The following BDP1 variants were observed in gnomAD, a reference collection of about 807,000 sequenced individuals.
BDP1 encodes the protein transcription factor TFIIIB component B'' homolog.
In BDP1, 169 loss-of-function variants were observed where a neutral mutation model predicts 266.6. The observed-to-expected ratio is 0.63, with a 90% CI of 0.56 to 0.72. The LOEUF (loss-of-function observed/expected upper bound fraction) is 0.72, where lower values mean the gene tolerates loss of function less well. BDP1 is among the 30% of genes least tolerant of loss of function. The pLI is 0.00. For synonymous variants in BDP1, 1,090 were observed against 1,022.4 expected, an observed-to-expected ratio of 1.07 and a Z score of -1.26; for missense variants, 3,015 against 3,053.8, an observed-to-expected ratio of 0.99 and a Z score of 0.30.
intron 26 of BDP1, among the ~76,000 whole-genome samples, chr5:71,534,777 G>T (rs1378717941): frequency 2.0e-5 from 3 of 152,118 alleles, no homozygotes; most frequent in Non-Finnish European, 4.4e-5. Flanking sequence ...GAGTAGCTGG[G>T]ATTACAGGCA....
rs577955998 is a variant in BDP1, at chr5:71,471,150, T to G, written c.1014+661T>G. Among the ~76,000 whole-genome samples the G allele has an allele frequency of 1.9e-4, 28 of 145,330 alleles. No homozygotes were observed. In the East Asian group the frequency reaches 4.8e-3, roughly 25 times the overall value. On this transcript the variant is annotated intron_variant, in intron 7 of 38. Transcript: ENST00000358731. Reference sequence around the variant, plus strand: ...TGGTTAAGGGTAGCTTTTTTTTTTTTTTTTTTTTTTGAGATGGAGTCTCGC... The same window carrying G: ...TGGTTAAGGGTAGCTTTTTTTTTTTGTTTTTTTTTTGAGATGGAGTCTCGC...
chr5:71,456,748 A>G (rs1233335516), intron 1 of BDP1, among the ~76,000 whole-genome samples: 1 of 152,204 alleles, frequency 6.6e-6, no homozygotes, highest in Non-Finnish European at 1.5e-5. Flanking sequence ...CATATTAACT[A>G]CCTTGCAGGG....
rs192498833 is a variant in BDP1, at chr5:71,517,386, A to G, written c.4925A>G (p.Tyr1642Cys). Residue 1642 changes from tyrosine (Y) to cysteine (C), a missense_variant, in exon 22 of 39, where the codon TAT (tyrosine) becomes TGT (cysteine). Physicochemically the swap from Tyr to Cys is radical, Grantham distance 194. This residue lies in a region of BDP1 where 2,383 missense variants were observed against 2,404.9 expected (regional missense o/e 0.99). Transcript: ENST00000358731. ...TCCGCAGTTCCAGAACACAGAATGT[A>G]TGAAAATCAAAGTCAGGTGGTTCTT... ...PSSAVPEHRMYENQSQVVLVE... is the reference protein window; with the variant it reads ...PSSAVPEHRMCENQSQVVLVE... The G allele has an allele frequency of 2.5e-6, 4 of 1,605,636 alleles. No homozygotes were observed. In the Admixed American group the frequency reaches 7.0e-5, roughly 28 times the overall value.
chr5:71,480,987 T>A (rs938356875), intron 7 of BDP1, among the ~76,000 whole-genome samples: 2 of 152,060 alleles, frequency 1.3e-5, no homozygotes, highest in African/African-American at 4.8e-5. Flanking sequence ...CCATCCTGGC[T>A]AACACAGAAA....
chr5:71,467,272 C>T, intron 5 of BDP1, 82 bp from the exon 6 acceptor site: 1 of 1,202,310 alleles, frequency 8.3e-7, no homozygotes, highest in Non-Finnish European at 1.2e-6. Flanking sequence ...TGCTAAACCT[C>T]AAAATATAAC....
intron 9 of BDP1, among the ~76,000 whole-genome samples, chr5:71,488,199 C>G (rs1284958270): frequency 3.9e-5 from 6 of 152,016 alleles, no homozygotes; most frequent in African/African-American, 1.4e-4. Flanking sequence ...GATCTCGGCT[C>G]ACTGAATCCT....
intron 33 of BDP1, 33 bp from the exon 34 acceptor site, chr5:71,549,387 G>A: frequency 6.5e-7 from 1 of 1,528,996 alleles, no homozygotes; most frequent in African/African-American, 1.4e-5. Flanking sequence ...TCATAGTTGA[G>A]CTTTTTTATT....
chr5:71,462,047 C>T, intron 3 of BDP1, 121 bp downstream of exon 3: 1 of 615,962 alleles, frequency 1.6e-6, no homozygotes, highest in Non-Finnish European at 2.9e-6. Context: ...ACTGCAACCT[C>T]TGCCTCCCAG....
intron 25 of BDP1, among the ~76,000 whole-genome samples, chr5:71,526,685 G>GTTT (rs35962090): frequency 0.026 from 3,041 of 118,882 alleles, 53 homozygotes; most frequent in Non-Finnish European, 0.04. Flanking sequence ...CTCTCTCTCT[G>GTTT]TTTTTTTTTT....
Position 71,567,508 on chromosome 5 carries a change from A to C in BDP1, c.*2623A>C, listed in dbSNP as rs1027690047. ...AGATGTTGCAAAGGATTTATTTCAC[A>C]AATTTTAAAGGAGATATGAGTAAAA... On this transcript the variant is annotated 3_prime_UTR_variant, in exon 39 of 39. Coordinates refer to ENST00000358731, the MANE Select transcript of BDP1 (RefSeq NM_018429.3). The C allele has an allele frequency of 6.6e-6, 1 of 152,508 alleles. No homozygotes were observed. The highest frequency in any genetic ancestry group is 2.4e-5 in the African/African-American group (1 of 41,438). 9.4% of individuals were successfully genotyped at this position (152,508 alleles called of 1,614,324 possible). A position where few individuals can be genotyped will look rare whatever the true frequency, so the allele number is the denominator to read the frequency against.
Position 71,495,493 on chromosome 5 carries a change from G to A in BDP1, c.1799+85G>A, listed in dbSNP as rs1017576264. On this transcript the variant is annotated intron_variant, in intron 12 of 38. Transcript: ENST00000358731. ...ATAATGTTGCTTCATTTAGGGATTC[G>A]AGGGGATTATTAATACATACTTTAT... The A allele has an allele frequency of 1.8e-5, 15 of 851,952 alleles. No individual in the cohort carries two copies. In the Admixed American group the frequency reaches 2.4e-4, roughly 14 times the overall value. 52.8% of individuals were successfully genotyped at this position (851,952 alleles called of 1,614,324 possible).
Position 71,545,039 on chromosome 5 carries a change from A to C in BDP1, c.6564A>C (p.Arg2188Ser), listed in dbSNP as rs1561774651. ...ACATGCATGCTAAACTCTCTTTCAG[A>C]AACGAAAATCAAGAAGAGAGCTCTC... Reference protein sequence around the residue: ...SISSEVNLTERNENQEESSQE... With the variant: ...SISSEVNLTESNENQEESSQE... Residue 2188 changes from arginine to serine, a missense_variant and splice_region_variant, in exon 32 of 39, where the codon AGA becomes AGC. This residue lies in a region of BDP1 where 629 missense variants were observed against 632.5 expected (regional missense o/e 0.99). Coordinates refer to ENST00000358731, the MANE Select transcript of BDP1 (RefSeq NM_018429.3). 6.2e-7 allele frequency: 1 copy of C among 1,612,286 alleles called. No individual in the cohort carries two copies. The highest frequency in any genetic ancestry group is 8.5e-7 in the Non-Finnish European group (1 of 1,179,656).
Position 71,455,919 on chromosome 5 carries a change from G to A in BDP1, c.42G>A (p.Arg14=), listed in dbSNP as rs752396352. Residue 14 remains arginine (R), a synonymous_variant, in exon 1 of 39, where the codon AGG becomes AGA. Coordinates refer to ENST00000358731, the MANE Select transcript of BDP1 (RefSeq NM_018429.3). ...GCCTTAGCGTGAAGCCGAATGTCAG[G>A]CCTGGTGTAGGCGCCAGGGGCTCCA... The part of the protein sequence containing the change: ...RARLSVKPNV[R]PGVGARGSTA... The A allele has an allele frequency of 4.4e-6, 7 of 1,609,146 alleles. No homozygotes were observed. The highest frequency in any genetic ancestry group is 1.3e-5 in the African/African-American group (1 of 75,014).
chr5:71,562,515 A>C lies in BDP1; in HGVS notation c.7738A>C (p.Thr2580Pro). The change falls in exon 38 of 39, where the codon ACT (threonine) becomes CCT (proline). Residue 2580 changes from threonine to proline, a missense_variant. Thr to Pro is a conservative substitution (Grantham distance 38). Transcript: ENST00000358731. ...TQSENISSSA[T>P]QVSCDQPLLK... is the part of the protein sequence containing the mutation. The stretch of plus-strand genomic sequence containing the variant: ...ATCTGAGAATATTAGCAGCTCAGCA[A>C]CTCAGGTATGTGATAACTACTGTAT... The C allele has an allele frequency of 6.2e-7, 1 of 1,613,356 alleles. No individual in the cohort carries two copies. Among genetic ancestry groups the C allele is most frequent in the Non-Finnish European group, 8.5e-7 (1 of 1,179,646 alleles).
intron 25 of BDP1, among the ~76,000 whole-genome samples, chr5:71,527,772 A>C (rs1004294076): frequency 6.6e-6 from 1 of 151,516 alleles, no homozygotes; most frequent in Non-Finnish European, 1.5e-5. Flanking sequence ...TTTTTGCGGG[A>C]TATACCCAGA....
chr5:71,484,703 A>G (rs1013517008), intron 8 of BDP1, among the ~76,000 whole-genome samples: 7 of 152,204 alleles, frequency 4.6e-5, no homozygotes, highest in African/African-American at 1.7e-4. Flanking sequence ...TTTTTTGATT[A>G]CAAGATAGGT....
At chr5:71,528,625 A>G (rs949047453) in intron 25 of BDP1, among the ~76,000 whole-genome samples, 8 of 152,268 alleles carry the variant, frequency 5.3e-5, no homozygotes, top group Admixed American at 3.9e-4. Context: ...CTGAATCTGT[A>G]AAGTCACATT....
chr5:71,537,143 A>G (rs1338562777), intron 26 of BDP1, among the ~76,000 whole-genome samples: 7 of 128,576 alleles, frequency 5.4e-5, no homozygotes, highest in Non-Finnish European at 1.2e-4. Context: ...CAAAAAACCA[A>G]AAAACCAAAA....
In BDP1 at chr5:71,458,671, C is replaced by T; in HGVS notation, c.305C>T (p.Ser102Phe). The T allele has an allele frequency of 6.2e-7, 1 of 1,614,028 alleles. No homozygotes were observed. The highest frequency in any genetic ancestry group is 8.5e-7 in the Non-Finnish European group (1 of 1,179,906). ...AGAAGAAAGCGAATATCAAGTACTT[C>T]TAGCCTGGTTAAGTCTAGTGTCAGT... is the stretch of plus-strand genomic sequence containing the variant. ...SQRRKRISST[S>F]SLVKSSVSVP... The change falls in exon 2 of 39, where the codon TCT becomes TTT. Residue 102 changes from serine to phenylalanine, a missense_variant. By Grantham distance (155) the Ser-to-Phe change is radical. This residue lies in a region of BDP1 where 2,383 missense variants were observed against 2,404.9 expected (regional missense o/e 0.99). Transcript: ENST00000358731.
Sources: gnomAD v4.1 joint callset for allele counts (sites outside exome capture counted in the v4.1 genomes callset) on GRCh38, gnomAD v4.1.1 for gene constraint, gnomAD v4.1.1 regional missense constraint, MANE v1.5 for transcripts, NCBI Gene and HGNC (gene_info 2026-07-23, HGNC 2026-07-21) for gene names.